APOBEC3F: variants seen among roughly 807,000 people sequenced by gnomAD.
APOBEC3F encodes apolipoprotein B mRNA editing enzyme catalytic subunit 3F.
APOBEC3F carries 34 observed loss-of-function variants against 45.8 expected under a neutral mutation model. The ratio of observed to expected loss-of-function variants is 0.74; its 90% confidence interval spans 0.57 to 0.99. The LOEUF is 0.99. Ranked by LOEUF, APOBEC3F falls within the 50% of genes least tolerant of loss-of-function variation. APOBEC3F has a pLI of 0.00. For synonymous variants in APOBEC3F, 192 were observed against 174.4 expected, an observed-to-expected ratio of 1.10 and a Z score of -0.80; for missense variants, 459 against 474.1, an observed-to-expected ratio of 0.97 and a Z score of 0.30.
At position 39,043,133 on chromosome 22, in the gene APOBEC3F, C is replaced by T. The variant is rs182765636; in HGVS notation, c.171+43C>T. 38 of 1,609,088 alleles carry T rather than the reference C, an allele frequency of 2.4e-5. No homozygotes were observed. The African/African-American group carries it at 3.6e-4, about 15-fold the overall frequency. ...ATCACTTTGCAGGCAGGAGCTAAGC[C>T]AGCTGGGAAAGCAAACCACGCACTG... On this transcript the variant is annotated intron_variant, in intron 2 of 6. Transcript: ENST00000308521.
At position 39,055,855 on chromosome 22, in the gene APOBEC3F, G is replaced by A. The variant is rs867378153; in HGVS notation, c.*3160G>A. ...GCACAATCTATCACGACCCTTTCAC[G>A]TGGACCCCTTAGAATTGTAAGCCCT... On this transcript the variant is annotated 3_prime_UTR_variant, in exon 7 of 7. Coordinates refer to ENST00000308521, the MANE Select transcript of APOBEC3F (RefSeq NM_145298.6). Among the ~76,000 whole-genome samples the A allele has an allele frequency of 6.6e-6, 1 of 151,946 alleles. No individual in the cohort carries two copies. The highest frequency in any genetic ancestry group is 2.4e-5 in the African/African-American group (1 of 41,350).
In APOBEC3F at chr22:39,055,485, C is replaced by T. The variant is rs1344923016; in HGVS notation, c.*2790C>T. 1.3e-5 allele frequency among the ~76,000 whole-genome samples: 2 copies of T among 152,124 alleles called. No homozygotes were observed. The highest frequency in any genetic ancestry group is 4.8e-5 in the African/African-American group (2 of 41,406). ...CTGGGTTCAAGCAATTCTCCCACCT[C>T]AGCCTCCTGAGTAGCTGGGATTACA... On this transcript the variant is annotated 3_prime_UTR_variant, in exon 7 of 7. Coordinates refer to ENST00000308521, the MANE Select transcript of APOBEC3F (RefSeq NM_145298.6).
At chr22:39,044,377 G>A (rs2146342155) in intron 2 of APOBEC3F, 1 of 1,385,462 alleles carries the variant, frequency 7.2e-7, no homozygotes, top group East Asian at 2.7e-5. Context: ...TTCAACAGCA[G>A]GACTGAGATG....
rs145339747 is a variant in APOBEC3F at position 39,055,599 on chromosome 22, C to T, written c.*2904C>T. Among the ~76,000 whole-genome samples the T allele has an allele frequency of 5.1e-4, 78 of 152,232 alleles. 1 individual carries two copies. The East Asian group carries it at 8.5e-3, about 17-fold the overall frequency. On this transcript the variant is annotated 3_prime_UTR_variant, in exon 7 of 7. Transcript: ENST00000308521. The stretch of plus-strand genomic sequence containing the variant: ...AAGGAGACCACCTCTCTCATTGTCT[C>T]CTATTTCAGAAGGAAGCAAAAAGTT...
intron 2 of APOBEC3F, among the ~76,000 whole-genome samples, chr22:39,044,676 C>T (rs1224977025): frequency 6.6e-6 from 1 of 152,160 alleles, no homozygotes; most frequent in Non-Finnish European, 1.5e-5. Flanking sequence ...AATAAACACG[C>T]CAGTAGCACC....
Position 39,052,527 on chromosome 22 carries a change from G to A in APOBEC3F, c.1004-50G>A, listed in dbSNP as rs1927546683. ...GGCTTGGAGGGGAGGGCCCAGGGCT[G>A]GGAGAGAAGCCTGCTGGGCCCTCAC... On this transcript the variant is annotated intron_variant, in intron 6 of 6. Coordinates refer to ENST00000308521, the MANE Select transcript of APOBEC3F (RefSeq NM_145298.6). 2.5e-6 allele frequency: 4 copies of A among 1,586,306 alleles called. No homozygotes were observed. The South Asian group carries it at 3.5e-5, about 14-fold the overall frequency.
intron 4 of APOBEC3F, among the ~76,000 whole-genome samples, chr22:39,046,666 G>A (rs1317176880): frequency 2.0e-5 from 3 of 151,340 alleles, no homozygotes; most frequent in Admixed American, 6.6e-5. Flanking sequence ...CGCCCAGGCT[G>A]GAGTGCTATG....
Position 39,052,241 on chromosome 22 carries a change from G to T in APOBEC3F, c.891G>T (p.Val297=), listed in dbSNP as rs1050528936. Residue 297 remains valine (V), a synonymous_variant, in exon 6 of 7, where the codon GTG becomes GTT. Transcript: ENST00000308521. ...AGTTCCTGGCCAGGCACAGCAACGT[G>T]AATCTCACCATCTTCACCGCCCGCC... ...VAEFLARHSN[V]NLTIFTARLY... The T allele has an allele frequency of 5.0e-6, 8 of 1,614,208 alleles. No homozygotes were observed. Among genetic ancestry groups the T allele is most frequent in the Non-Finnish European group, 6.8e-6 (8 of 1,180,038 alleles).
intron 4 of APOBEC3F, 69 bp from the exon 5 acceptor site, chr22:39,049,356 T>C: frequency 1.3e-6 from 2 of 1,553,506 alleles, no homozygotes; most frequent in South Asian, 2.4e-5. Flanking sequence ...GTGAGTGGTG[T>C]TCAGTGGGCA....
At chr22:39,048,538 G>A (rs1425191708) in intron 4 of APOBEC3F, among the ~76,000 whole-genome samples, 5 of 152,012 alleles carry the variant, frequency 3.3e-5, no homozygotes, top group Non-Finnish European at 1.5e-5. Flanking sequence ...GTCTGGCCGC[G>A]ATGGCTCACA....
intron 4 of APOBEC3F, among the ~76,000 whole-genome samples, chr22:39,047,123 T>TG (rs1927261895): frequency 1.3e-5 from 2 of 151,946 alleles, no homozygotes; most frequent in African/African-American, 4.8e-5. Context: ...GAGCTCAGTG[T>TG]GGGGGCACGC....
chr22:39,044,965 G>C lies in APOBEC3F; in HGVS notation c.196G>C (p.Ala66Pro), dbSNP rs773777133. Residue 66 changes from alanine (A) to proline (P), a missense_variant, in exon 3 of 7, where the codon GCA becomes CCA. By Grantham distance (27) the Ala-to-Pro change is conservative (BLOSUM62 -1). Transcript: ENST00000308521. The part of the protein sequence containing the change: ...GQVYSQPEHH[A>P]EMCFLSWFCG... ...GGTGTATTCCCAGCCTGAGCACCAC[G>C]CAGAAATGTGCTTCCTCTCTTGGTT... The C allele has an allele frequency of 8.3e-5, 134 of 1,613,418 alleles. 1 individual carries two copies. Among genetic ancestry groups the C allele is most frequent in the Non-Finnish European group, 6.7e-5 (79 of 1,179,928 alleles).
rs1482943693 is a variant in APOBEC3F, at chr22:39,053,424, C to G, written c.*729C>G. 6.8e-6 allele frequency: 1 copy of G among 147,596 alleles called. No individual in the cohort carries two copies. Among genetic ancestry groups the G allele is most frequent in the Non-Finnish European group, 1.5e-5 (1 of 67,184 alleles). The allele number at this position is 147,596 out of a possible 1,614,324, so 9.1% of individuals were successfully genotyped here. On this transcript the variant is annotated 3_prime_UTR_variant, in exon 7 of 7. Transcript: ENST00000308521. ...AGGAATTCGAGACCAGCCTGGGCCACATGACAAAGCCCCATCTCTACAAAA... is the reference window on the plus strand; with the variant it reads ...AGGAATTCGAGACCAGCCTGGGCCAGATGACAAAGCCCCATCTCTACAAAA...
At chr22:39,043,755 G>A (rs1337926517) in intron 2 of APOBEC3F, among the ~76,000 whole-genome samples, 1 of 151,420 alleles carries the variant, frequency 6.6e-6, no homozygotes, top group Non-Finnish European at 1.5e-5. Flanking sequence ...TGGGTGGCTC[G>A]CGCCTGTAAT....
Position 39,053,762 on chromosome 22 carries a change from G to A in APOBEC3F, c.*1067G>A, listed in dbSNP as rs923421505. 6.6e-6 allele frequency: 1 copy of A among 152,138 alleles called. No homozygotes were observed. Among genetic ancestry groups the A allele is most frequent in the African/African-American group, 2.4e-5 (1 of 41,428 alleles). 9.4% of individuals were successfully genotyped at this position (152,138 alleles called of 1,614,324 possible). A position where few individuals can be genotyped will look rare whatever the true frequency, so the allele number is the denominator to read the frequency against. ...TCATGTCCTACGCAGCTAAAACAGA[G>A]CCCAGGAGCCAGGGAGGAAAAGCAG... On this transcript the variant is annotated 3_prime_UTR_variant, in exon 7 of 7. Transcript: ENST00000308521.
intron 5 of APOBEC3F, among the ~76,000 whole-genome samples, chr22:39,050,912 C>T (rs1282290839): frequency 6.6e-6 from 1 of 152,096 alleles, no homozygotes; most frequent in African/African-American, 2.4e-5. Flanking sequence ...TCACACATGA[C>T]CTATGATGAG....
At chr22:39,042,310 CTTTTTT>C (rs759396493) in intron 1 of APOBEC3F, among the ~76,000 whole-genome samples, 1 of 94,388 alleles carries the variant, frequency 1.1e-5, no homozygotes, top group Admixed American at 1.1e-4. Flanking sequence ...TTCTCTCTCT[CTTTTTT>C]TTTTTTTTTT....
Position 39,049,302 on chromosome 22 carries a change from G to T in APOBEC3F, c.567-123G>T, listed in dbSNP as rs769431557. On this transcript the variant is annotated intron_variant, in intron 4 of 6. Coordinates refer to ENST00000308521, the MANE Select transcript of APOBEC3F (RefSeq NM_145298.6). ...CATCCCCTCCTCTTTCTCTCTCCCA[G>T]TCTTTCTGCCTGGGAAAGCAGCAGA... The T allele has an allele frequency of 2.7e-5, 33 of 1,228,968 alleles. 1 individual carries two copies. Among genetic ancestry groups the T allele is most frequent in the Admixed American group, 4.4e-5 (2 of 45,450 alleles). The allele number at this position is 1,228,968 out of a possible 1,614,324, so 76.1% of individuals were successfully genotyped here.
At chr22:39,042,586 A>C (rs911991491) in intron 1 of APOBEC3F, among the ~76,000 whole-genome samples, 2 of 152,178 alleles carry the variant, frequency 1.3e-5, no homozygotes, top group African/African-American at 4.8e-5. Context: ...TGCTGGGATT[A>C]CAGGCATGAG....
Sources: allele counts gnomAD v4.1 joint callset (sites outside exome capture counted in the v4.1 genomes callset), GRCh38; gene constraint gnomAD v4.1.1; transcripts MANE v1.5; gene names NCBI Gene and HGNC (gene_info 2026-07-23, HGNC 2026-07-21).